Variants in RAD51B observed in about 807,000 individuals in gnomAD.
RAD51B encodes RAD51 paralog B, also known as DNA repair protein RAD51 homolog 2.
In RAD51B, 38 loss-of-function variants were observed where a neutral mutation model predicts 42.2. The ratio of observed to expected loss-of-function variants is 0.90; its 90% confidence interval spans 0.70 to 1.18. The LOEUF is 1.18. Among genes scored for constraint, RAD51B ranks in the 50% most tolerant of loss-of-function variants. The probability of loss-of-function intolerance (pLI) is 0.00; values close to 1 mark genes in which losing one functional copy is unlikely to be tolerated. For synonymous variants in RAD51B, 154 were observed against 145.2 expected (o/e 1.06, Z -0.43); for missense variants, 373 against 400.7 (o/e 0.93, Z 0.59).
At chr14:68,643,905 G>A (rs1050322366) in intron 10 of RAD51B, among the ~76,000 whole-genome samples, 4 of 152,168 alleles carry the variant, frequency 2.6e-5, no homozygotes, top group African/African-American at 7.2e-5. Flanking sequence ...CTGGATGGGA[G>A]AAGGCACTGG....
chr14:68,088,472 C>T (rs2077035329), intron 7 of RAD51B, among the ~76,000 whole-genome samples: 1 of 151,496 alleles, frequency 6.6e-6, no homozygotes, highest in Admixed American at 6.6e-5. Context: ...TTTTTTTCTC[C>T]CTCTTTTTTC....
chr14:68,171,504 T>C (rs2078871089), intron 7 of RAD51B, among the ~76,000 whole-genome samples: 1 of 152,062 alleles, frequency 6.6e-6, no homozygotes, highest in Admixed American at 6.6e-5. Flanking sequence ...TTTCACCATG[T>C]TGGCCCGGCT....
At chr14:68,383,536 T>C (rs1019608993) in intron 8 of RAD51B, among the ~76,000 whole-genome samples, 3 of 152,218 alleles carry the variant, frequency 2.0e-5, no homozygotes, top group Admixed American at 1.3e-4. Flanking sequence ...GTTTCACTCC[T>C]TCAGGATATC....
intron 10 of RAD51B, among the ~76,000 whole-genome samples, chr14:68,602,518 C>CTAGA (rs1491581669): frequency 0.019 from 2,503 of 132,498 alleles, 33 homozygotes; most frequent in Middle Eastern, 0.028. Flanking sequence ...AGATAGATAG[C>CTAGA]TAGCTAGATA....
At chr14:68,052,598 T>A (rs931380698) in intron 7 of RAD51B, among the ~76,000 whole-genome samples, 1 of 151,300 alleles carries the variant, frequency 6.6e-6, no homozygotes, top group Non-Finnish European at 1.5e-5. Flanking sequence ...TTTATCTGTC[T>A]CACTTCCATG....
intron 7 of RAD51B, among the ~76,000 whole-genome samples, chr14:68,028,338 G>C (rs2075986117): frequency 1.3e-5 from 2 of 152,118 alleles, no homozygotes; most frequent in African/African-American, 4.8e-5. Context: ...TAGGTGTTCT[G>C]GGCCATGAGG....
chr14:68,293,740 C>G (rs79366225), intron 8 of RAD51B, among the ~76,000 whole-genome samples: 1 of 152,218 alleles, frequency 6.6e-6, no homozygotes, highest in Non-Finnish European at 1.5e-5. Flanking sequence ...CCTCTGTGGC[C>G]GCTCTATCTG....
intron 10 of RAD51B, among the ~76,000 whole-genome samples, chr14:68,639,906 A>T (rs1469322257): frequency 1.3e-5 from 2 of 151,524 alleles, no homozygotes. Context: ...TCTCCTGAGT[A>T]GCTGGGATTA....
intron 11 of RAD51B, among the ~76,000 whole-genome samples, chr14:68,662,253 C>T (rs1222246585): frequency 6.6e-6 from 1 of 152,256 alleles, no homozygotes; most frequent in African/African-American, 2.4e-5. Flanking sequence ...ACCCCTGAGT[C>T]TTTCACACCT....
intron 9 of RAD51B, among the ~76,000 whole-genome samples, chr14:68,438,522 G>A (rs75761400): frequency 2.6e-3 from 397 of 152,218 alleles, no homozygotes; most frequent in Non-Finnish European, 4.3e-3. Context: ...TTCCATCCAG[G>A]CCTCAATGAC....
At chr14:68,626,017 G>T (rs961199937) in intron 10 of RAD51B, among the ~76,000 whole-genome samples, 2 of 152,240 alleles carry the variant, frequency 1.3e-5, no homozygotes, top group African/African-American at 4.8e-5. Flanking sequence ...AAGATCAGAA[G>T]CCAAGCCATA....
At chr14:67,888,312 G>A (rs1353994789) in intron 7 of RAD51B, among the ~76,000 whole-genome samples, 2 of 152,196 alleles carry the variant, frequency 1.3e-5, no homozygotes, top group Non-Finnish European at 2.9e-5. Context: ...TGATCAAGGA[G>A]AATAAGGGAA....
At chr14:68,590,486 G>T (rs1030171328) in intron 10 of RAD51B, among the ~76,000 whole-genome samples, 1 of 152,204 alleles carries the variant, frequency 6.6e-6, no homozygotes, top group African/African-American at 2.4e-5. Context: ...CATCAGTCTG[G>T]TTCCCAGAGC....
At chr14:68,605,540 C>A (rs982612739) in intron 10 of RAD51B, among the ~76,000 whole-genome samples, 1 of 152,240 alleles carries the variant, frequency 6.6e-6, no homozygotes, top group African/African-American at 2.4e-5. Context: ...TGGAGAGGAA[C>A]TTTTACTTTC....
At chr14:68,090,484 G>A (rs957285935) in intron 7 of RAD51B, among the ~76,000 whole-genome samples, 1 of 151,986 alleles carries the variant, frequency 6.6e-6, no homozygotes, top group African/African-American at 2.4e-5. Context: ...TTAGGGCCTT[G>A]GTTTGTAGAG....
At chr14:68,056,805 G>A (rs192035979) in intron 7 of RAD51B, among the ~76,000 whole-genome samples, 171 of 151,892 alleles carry the variant, frequency 1.1e-3, no homozygotes, top group African/African-American at 3.8e-3. Flanking sequence ...ACGGCCAGGC[G>A]CGGTGGCTCA....
At chr14:68,554,597 C>T (rs1004692408) in intron 10 of RAD51B, among the ~76,000 whole-genome samples, 1 of 152,208 alleles carries the variant, frequency 6.6e-6, no homozygotes, top group South Asian at 2.1e-4. Flanking sequence ...AAACTCCCTC[C>T]ACCAGCACTT....
chr14:68,124,316 A>G (rs2077711220), intron 7 of RAD51B, among the ~76,000 whole-genome samples: 1 of 151,962 alleles, frequency 6.6e-6, no homozygotes, highest in African/African-American at 2.4e-5. Flanking sequence ...AAGCCTTTGC[A>G]TTCCTAATAG....
rs557397515 is a variant in RAD51B, at chr14:68,421,002, C to T, written c.957+9475C>T. ...TATCTTCCTCTCTGACTTTCCTGAA[C>T]GATGATTAGACCTAGAATGTCATTT... On this transcript the variant is annotated intron_variant, in intron 9 of 10. Transcript: ENST00000471583. 8.5e-5 allele frequency among the ~76,000 whole-genome samples: 13 copies of T among 152,272 alleles called. No homozygotes were observed. In the South Asian group the frequency reaches 1.9e-3, roughly 22 times the overall value.
Sources: allele counts gnomAD v4.1 joint callset (sites outside exome capture counted in the v4.1 genomes callset), GRCh38; gene constraint gnomAD v4.1.1; transcripts MANE v1.5; gene names NCBI Gene and HGNC (gene_info 2026-07-23, HGNC 2026-07-21).